CEMIP: variants seen among roughly 807,000 people sequenced by gnomAD.
The protein encoded by CEMIP is cell migration inducing hyaluronidase 1, also known as cell migration-inducing and hyaluronan-binding protein.
In CEMIP, 105 loss-of-function variants were observed where a neutral mutation model predicts 156.9. The observed-to-expected ratio is 0.67, with a 90% CI of 0.57 to 0.79. The LOEUF (loss-of-function observed/expected upper bound fraction) is 0.79, where lower values mean the gene tolerates loss of function less well. Ranked by LOEUF, CEMIP falls within the 30% of genes least tolerant of loss-of-function variation. The pLI, the probability that CEMIP is intolerant of heterozygous loss-of-function variation, is 0.00. For missense variants in CEMIP, 1,457 were observed against 1,769.4 expected (o/e 0.82, Z 3.17); for synonymous variants, 676 against 668.4 (o/e 1.01, Z -0.17).
At chr15:80,919,010 C>T (rs938154751) in intron 14 of CEMIP, among the ~76,000 whole-genome samples, 2 of 152,194 alleles carry the variant, frequency 1.3e-5, no homozygotes, top group South Asian at 2.1e-4. Flanking sequence ...AAGATCCCCG[C>T]GCTGCTTGGA....
intron 1 of CEMIP, among the ~76,000 whole-genome samples, chr15:80,856,551 G>T (rs546025884): frequency 1.1e-4 from 16 of 152,290 alleles, no homozygotes; most frequent in African/African-American, 3.8e-4. Flanking sequence ...AGGGGAAAGC[G>T]ATTATGTGGA....
At chr15:80,845,889 C>T (rs952138894) in intron 1 of CEMIP, among the ~76,000 whole-genome samples, 5 of 152,132 alleles carry the variant, frequency 3.3e-5, no homozygotes, top group African/African-American at 4.8e-5. Flanking sequence ...GCAGACATTC[C>T]AGCACCTGCC....
intron 1 of CEMIP, among the ~76,000 whole-genome samples, chr15:80,816,327 T>C (rs980292910): frequency 1.3e-5 from 2 of 152,176 alleles, no homozygotes; most frequent in African/African-American, 4.8e-5. Flanking sequence ...TGGAAAGCTC[T>C]GAAATCAAAG....
chr15:80,860,842 C>T (rs943126689), intron 1 of CEMIP, among the ~76,000 whole-genome samples: 2 of 152,158 alleles, frequency 1.3e-5, no homozygotes, highest in African/African-American at 4.8e-5. Flanking sequence ...CAGCCCCTGC[C>T]TGCTGCACTC....
chr15:80,829,949 T>C (rs1293214542), intron 1 of CEMIP, among the ~76,000 whole-genome samples: 1 of 145,666 alleles, frequency 6.9e-6, no homozygotes, highest in Non-Finnish European at 1.5e-5. Context: ...CCTAGTACCA[T>C]AGAAGGGAGG....
At chr15:80,813,881 C>T (rs1056983719) in intron 1 of CEMIP, among the ~76,000 whole-genome samples, 2 of 152,124 alleles carry the variant, frequency 1.3e-5, no homozygotes, top group Admixed American at 1.3e-4. Context: ...TTTTCTCTCA[C>T]TTAAAATCCA....
intron 28 of CEMIP, among the ~76,000 whole-genome samples, chr15:80,945,302 CAAG>C (rs1350436177): frequency 6.6e-6 from 1 of 152,220 alleles, no homozygotes; most frequent in African/African-American, 2.4e-5. Flanking sequence ...GGTGGGGACA[CAAG>C]AAGCCCATCT....
chr15:80,928,966 C>T, intron 20 of CEMIP, 29 bp downstream of exon 20: 1 of 1,614,214 alleles, frequency 6.2e-7, no homozygotes. Context: ...GTACTTGGTC[C>T]TCTGTGGGAT....
At chr15:80,947,205 A>T (rs181023300) in intron 29 of CEMIP, 140 bp downstream of exon 29, 1 of 648,756 alleles carries the variant, frequency 1.5e-6, no homozygotes, top group Admixed American at 2.3e-5. Flanking sequence ...TCCCCCACAC[A>T]ACTAGTGGTC....
intron 1 of CEMIP, among the ~76,000 whole-genome samples, chr15:80,818,431 A>G (rs760066528): frequency 3.3e-5 from 5 of 152,274 alleles, no homozygotes; most frequent in Admixed American, 1.3e-4. Context: ...CCAAAGGAGA[A>G]GAGAATCAGA....
rs527697612 is a variant in CEMIP at position 80,870,571 on chromosome 15, G to A, written c.-175-2967G>A. On this transcript the variant is annotated intron_variant, in intron 1 of 29. Coordinates refer to ENST00000394685, the MANE Select transcript of CEMIP (RefSeq NM_001293298.2). ...TGGACTCCGGTGCGGCTGGGCCTGG[G>A]GCTACCTGAAGGGAGAGCAGAGACT... Among the ~76,000 whole-genome samples, 256 of 152,198 alleles carry A rather than the reference G, an allele frequency of 1.7e-3. 2 individuals carry two copies. Among genetic ancestry groups the A allele is most frequent in the Middle Eastern group, 0.01 (3 of 294 alleles).
Position 80,872,706 on chromosome 15 carries a change from T to C in CEMIP, c.-175-832T>C, listed in dbSNP as rs1435458434. ...GGTGCATGCCTGCAATCCCAACTAC[T>C]GGGGAGGCTGAGGCAGGAGAATTGC... On this transcript the variant is annotated intron_variant, in intron 1 of 29. Transcript: ENST00000394685. Among the ~76,000 whole-genome samples, 6 of 151,832 alleles carry C rather than the reference T, an allele frequency of 4.0e-5. No homozygotes were observed. In the East Asian group the frequency reaches 1.2e-3, roughly 29 times the overall value.
Position 80,876,249 on chromosome 15 carries a change from C to A in CEMIP, c.94+2276C>A, listed in dbSNP as rs142116328. ...GCCCAGGGCCTCTGACTGGCCTCTA[C>A]TGGAATCCAGCCAAGCACCTGACCC... is the stretch of plus-strand genomic sequence containing the variant. On this transcript the variant is annotated intron_variant, in intron 3 of 29. Coordinates refer to ENST00000394685, the MANE Select transcript of CEMIP (RefSeq NM_001293298.2). 2.3e-3 allele frequency among the ~76,000 whole-genome samples: 348 copies of A among 152,326 alleles called. 1 individual carries two copies. The highest frequency in any genetic ancestry group is 7.9e-3 in the African/African-American group (328 of 41,566).
chr15:80,907,316 A>T (rs1461498924), intron 13 of CEMIP, among the ~76,000 whole-genome samples: 3 of 152,200 alleles, frequency 2.0e-5, no homozygotes, highest in African/African-American at 7.2e-5. Context: ...TAATCCCAAC[A>T]CTTTGGGGAG....
At chr15:80,830,046 G>T (rs928702658) in intron 1 of CEMIP, among the ~76,000 whole-genome samples, 3 of 147,302 alleles carry the variant, frequency 2.0e-5, no homozygotes, top group African/African-American at 7.6e-5. Context: ...TGCTCCAGAG[G>T]TTCTGACCAC....
chr15:80,899,237 G>GAA (rs1899363835), intron 12 of CEMIP, among the ~76,000 whole-genome samples: 1 of 150,068 alleles, frequency 6.7e-6, no homozygotes, highest in Non-Finnish European at 1.5e-5. Flanking sequence ...AAGAAAGAAA[G>GAA]AGAGAAAGAA....
chr15:80,855,924 T>A (rs1254699240), intron 1 of CEMIP, among the ~76,000 whole-genome samples: 1 of 152,252 alleles, frequency 6.6e-6, no homozygotes, highest in Admixed American at 6.5e-5. Context: ...ATTGGATATT[T>A]CTTTGCCATT....
chr15:80,947,160 C>A, intron 29 of CEMIP, 95 bp downstream of exon 29: 1 of 794,906 alleles, frequency 1.3e-6, no homozygotes, highest in Non-Finnish European at 2.2e-6. Flanking sequence ...GAGTTGAGAA[C>A]ATGCTTTGTA....
chr15:80,780,471 T>G (rs1166356809), intron 1 of CEMIP, among the ~76,000 whole-genome samples: 1 of 152,152 alleles, frequency 6.6e-6, no homozygotes, highest in African/African-American at 2.4e-5. Context: ...GCGCCCTGGG[T>G]CCTCAGCCGC....
Sources: allele counts gnomAD v4.1 joint callset (sites outside exome capture counted in the v4.1 genomes callset), GRCh38; gene constraint gnomAD v4.1.1; transcripts MANE v1.5; gene names NCBI Gene and HGNC (gene_info 2026-07-23, HGNC 2026-07-21).